ARHGAP42: variants seen among roughly 807,000 people sequenced by gnomAD.
ARHGAP42 encodes the protein rho GTPase-activating protein 42.
A neutral mutation model predicts 125.0 loss-of-function variants in ARHGAP42; 63 were observed. The ratio of observed to expected loss-of-function variants is 0.50; its 90% CI spans 0.41 to 0.62. The LOEUF is 0.62. Among genes scored for constraint, ARHGAP42 ranks in the 20% least tolerant of loss-of-function variants. The pLI, the probability that ARHGAP42 is intolerant of heterozygous loss-of-function variation, is 0.00. For missense variants in ARHGAP42, 766 were observed against 1,024.2 expected (o/e 0.75, Z 3.44); for synonymous variants, 339 against 351.0 (o/e 0.97, Z 0.38).
chr11:100,943,030 G>A (rs1266180909), intron 9 of ARHGAP42, among the ~76,000 whole-genome samples: 1 of 152,056 alleles, frequency 6.6e-6, no homozygotes, highest in Non-Finnish European at 1.5e-5. Flanking sequence ...TGGCATCTCA[G>A]TGACAAAAGA....
chr11:100,926,516 G>A (rs1867428545), intron 6 of ARHGAP42, among the ~76,000 whole-genome samples: 1 of 152,154 alleles, frequency 6.6e-6, no homozygotes, highest in Non-Finnish European at 1.5e-5. Context: ...AAAATAAGAG[G>A]TTTACCTTTG....
At chr11:100,864,625 T>G (rs1005256163) in intron 4 of ARHGAP42, among the ~76,000 whole-genome samples, 3 of 152,174 alleles carry the variant, frequency 2.0e-5, no homozygotes, top group South Asian at 4.1e-4. Flanking sequence ...CACATATAGA[T>G]GTGTATTATA....
chr11:100,966,759 C>CAG (rs142575815), intron 17 of ARHGAP42, among the ~76,000 whole-genome samples: 7 of 151,990 alleles, frequency 4.6e-5, no homozygotes, highest in Non-Finnish European at 1.0e-4. Flanking sequence ...TTGAAAGCTA[C>CAG]AGAGAGAGAG....
At chr11:100,838,643 T>C (rs1385524155) in intron 3 of ARHGAP42, among the ~76,000 whole-genome samples, 1 of 151,968 alleles carries the variant, frequency 6.6e-6, no homozygotes, top group South Asian at 2.1e-4. Flanking sequence ...CAGTGAGCCA[T>C]GATTGTGCTA....
intron 4 of ARHGAP42, among the ~76,000 whole-genome samples, chr11:100,884,599 A>G (rs1451600551): frequency 1.3e-5 from 2 of 152,158 alleles, no homozygotes; most frequent in Non-Finnish European, 2.9e-5. Context: ...CCAACATGAA[A>G]ATATCATTGT....
At chr11:100,747,249 A>G (rs1348384300) in intron 1 of ARHGAP42, among the ~76,000 whole-genome samples, 1 of 152,160 alleles carries the variant, frequency 6.6e-6, no homozygotes, top group African/African-American at 2.4e-5. Context: ...TTGTTGAGAA[A>G]TTTTCTTTAG....
At chr11:100,933,865 G>A (rs188892598) in intron 7 of ARHGAP42, among the ~76,000 whole-genome samples, 12 of 151,866 alleles carry the variant, frequency 7.9e-5, no homozygotes, top group African/African-American at 2.4e-4. Flanking sequence ...TCGGCTCACC[G>A]CAACCTCCAC....
At chr11:100,774,964 C>T (rs1863082927) in intron 2 of ARHGAP42, among the ~76,000 whole-genome samples, 1 of 152,120 alleles carries the variant, frequency 6.6e-6, no homozygotes, top group African/African-American at 2.4e-5. Flanking sequence ...GTGGGGAATT[C>T]CTGTGGCTCA....
intron 4 of ARHGAP42, among the ~76,000 whole-genome samples, chr11:100,904,654 C>CT (rs1037385415): frequency 2.0e-5 from 3 of 151,754 alleles, no homozygotes; most frequent in Admixed American, 6.6e-5. Flanking sequence ...ACCTCCCCAC[C>CT]TTTTTTTTGG....
intron 1 of ARHGAP42, among the ~76,000 whole-genome samples, chr11:100,728,714 GTATATATA>G (rs57293905): frequency 0.19 from 13,210 of 69,716 alleles, 1,133 homozygotes; most frequent in Middle Eastern, 0.24. Flanking sequence ...ATGACTTTGC[GTATATATA>G]TATATATATA....
In ARHGAP42 at chr11:100,803,183, A is replaced by C. The variant is rs151194431; in HGVS notation, c.312+8017A>C. Among the ~76,000 whole-genome samples the C allele has an allele frequency of 4.7e-3, 710 of 150,500 alleles. 3 individuals are homozygous for C. Among genetic ancestry groups the C allele is most frequent in the Middle Eastern group, 0.014 (4 of 294 alleles). ...TTGAGGCCAGGAGTTAGAGACCAGC[A>C]TGGGCAACATAGTGAGATCCAATCT... is the stretch of plus-strand genomic sequence containing the variant. On this transcript the variant is annotated intron_variant, in intron 3 of 23. Transcript: ENST00000298815.
chr11:100,985,589 A>G (rs868658091), intron 22 of ARHGAP42, among the ~76,000 whole-genome samples: 1 of 152,206 alleles, frequency 6.6e-6, no homozygotes, highest in Non-Finnish European at 1.5e-5. Context: ...GCACACACAC[A>G]GTTCTTTAAA....
At chr11:100,938,528 T>C (rs11224532) in intron 8 of ARHGAP42, among the ~76,000 whole-genome samples, 32,654 of 152,144 alleles carry the variant, frequency 0.21, 4,532 homozygotes, top group Middle Eastern at 0.37. Context: ...CATAAATTAA[T>C]TGCACCTGCT....
rs559738402 is a variant in ARHGAP42 at position 100,730,222 on chromosome 11, AT to A, written c.155-40109del. On this transcript the variant is annotated intron_variant, in intron 1 of 23. Coordinates refer to ENST00000298815, the MANE Select transcript of ARHGAP42 (RefSeq NM_152432.4). Reference sequence around the variant, plus strand: ...CTTCATTTTCCTCAAGGACATCATGATTTTTTTTTTTTAATCAAGTACAAAG... The same window carrying A: ...CTTCATTTTCCTCAAGGACATCATGATTTTTTTTTTTAATCAAGTACAAAG... Among the ~76,000 whole-genome samples, 1,162 of 146,952 alleles carry A rather than the reference AT, an allele frequency of 7.9e-3. 9 individuals are homozygous for A. The highest frequency in any genetic ancestry group is 0.026 in the African/African-American group (1,043 of 40,376).
intron 2 of ARHGAP42, among the ~76,000 whole-genome samples, chr11:100,779,552 A>ATACATACGTATGTATACGTATATATACG: frequency 1.1e-5 from 1 of 87,342 alleles, no homozygotes; most frequent in Admixed American, 1.4e-4. Flanking sequence ...ATATATATAC[A>ATACATACGTATGTATACGTATATATACG]TATACATACG....
chr11:100,851,827 G>A (rs1865210987), intron 3 of ARHGAP42, among the ~76,000 whole-genome samples: 1 of 152,146 alleles, frequency 6.6e-6, no homozygotes, highest in Non-Finnish European at 1.5e-5. Context: ...TGGCACTCAG[G>A]TGCATGTTGT....
intron 3 of ARHGAP42, among the ~76,000 whole-genome samples, chr11:100,822,728 C>T (rs1864431841): frequency 6.6e-6 from 1 of 152,000 alleles, no homozygotes; most frequent in South Asian, 2.1e-4. Context: ...ACAGTGTATG[C>T]AGTTTGATTG....
intron 2 of ARHGAP42, among the ~76,000 whole-genome samples, chr11:100,787,080 A>C (rs1464680357): frequency 6.6e-6 from 1 of 151,786 alleles, no homozygotes; most frequent in Non-Finnish European, 1.5e-5. Flanking sequence ...GATCGAGACC[A>C]TCCTGACTAA....
intron 1 of ARHGAP42, among the ~76,000 whole-genome samples, chr11:100,707,478 G>T (rs1279859588): frequency 6.6e-6 from 1 of 152,166 alleles, no homozygotes; most frequent in East Asian, 1.9e-4. Flanking sequence ...GGTATTTAAA[G>T]AAGTATCATT....
Sources: gnomAD v4.1 joint callset for allele counts (sites outside exome capture counted in the v4.1 genomes callset) on GRCh38, gnomAD v4.1.1 for gene constraint, MANE v1.5 for transcripts, NCBI Gene and HGNC (gene_info 2026-07-23, HGNC 2026-07-21) for gene names.